WDTC1: variants seen among roughly 807,000 people sequenced by gnomAD.
The protein encoded by WDTC1 is WD and tetratricopeptide repeats protein 1.
In WDTC1, 12 loss-of-function variants were observed where a neutral mutation model predicts 76.0. That is an observed-to-expected ratio of 0.16 (90% CI 0.10 to 0.26). WDTC1 has a LOEUF of 0.26. Among genes scored for constraint, WDTC1 ranks in the 10% least tolerant of loss-of-function variants. The pLI is 1.00. For synonymous variants in WDTC1, 326 were observed against 350.8 expected (o/e 0.93, Z 0.79); for missense variants, 511 against 908.8 (o/e 0.56, Z 5.63).
intron 7 of WDTC1, 123 bp downstream of exon 7, chr1:27,292,520 C>T (rs2013562275): frequency 9.0e-6 from 8 of 887,828 alleles, no homozygotes; most frequent in Non-Finnish European, 9.5e-6. Context: ...CTCAACCTCC[C>T]AGGCTCAAGC....
intron 6 of WDTC1, among the ~76,000 whole-genome samples, chr1:27,289,237 CG>C (rs2013450888): frequency 6.7e-6 from 1 of 148,562 alleles, no homozygotes; most frequent in Non-Finnish European, 1.5e-5. Flanking sequence ...GGGTGGTTGC[CG>C]GGCGGAGAGG....
intron 3 of WDTC1, among the ~76,000 whole-genome samples, chr1:27,268,866 C>A (rs1387331132): frequency 1.3e-5 from 2 of 151,468 alleles, no homozygotes; most frequent in Non-Finnish European, 2.9e-5. Flanking sequence ...AGGTGCACGC[C>A]ACCACACCCA....
In WDTC1 at chr1:27,264,767, C is replaced by T. The variant is rs535759963; in HGVS notation, c.132+1532C>T. 4.0e-4 allele frequency among the ~76,000 whole-genome samples: 61 copies of T among 152,014 alleles called. 1 individual carries two copies. The South Asian group carries it at 0.011, about 28-fold the overall frequency. On this transcript the variant is annotated intron_variant, in intron 3 of 15. Transcript: ENST00000319394. ...CCTCCCAAAGTGCTGGGAATTCAGGCGTGAACCACCTCACCCAGCCAAGAT... is the reference window on the plus strand; with the variant it reads ...CCTCCCAAAGTGCTGGGAATTCAGGTGTGAACCACCTCACCCAGCCAAGAT...
intron 1 of WDTC1, among the ~76,000 whole-genome samples, chr1:27,253,340 C>CTTCT (rs1014257190): frequency 1.3e-5 from 2 of 150,614 alleles, no homozygotes; most frequent in African/African-American, 4.9e-5. Flanking sequence ...TCTGCTTCTT[C>CTTCT]TTCTTTCTTC....
At chr1:27,235,394 CTGTGTGTGTGTGTGTGTGTGTGTGTGTG>C (rs139665541) in intron 1 of WDTC1, among the ~76,000 whole-genome samples, 1 of 141,116 alleles carries the variant, frequency 7.1e-6, no homozygotes, top group Admixed American at 7.2e-5. Flanking sequence ...CTCTCTCTTT[CTGTGTGTGTGTGTGTGTGTGTGTGTGTG>C]TGTGTGTGTG....
intron 3 of WDTC1, among the ~76,000 whole-genome samples, chr1:27,280,317 A>G (rs1489116575): frequency 6.6e-6 from 1 of 152,244 alleles, no homozygotes; most frequent in Non-Finnish European, 1.5e-5. Context: ...AAATGTCTGG[A>G]TATTCAAATC....
chr1:27,300,802 C>T (rs1447125204), intron 12 of WDTC1, among the ~76,000 whole-genome samples: 1 of 152,186 alleles, frequency 6.6e-6, no homozygotes, highest in Non-Finnish European at 1.5e-5. Context: ...TCCTTGAGGG[C>T]CCCCTGCCTT....
chr1:27,269,164 CAAA>C (rs34447091), intron 3 of WDTC1, among the ~76,000 whole-genome samples: 4 of 58,858 alleles, frequency 6.8e-5, no homozygotes, highest in African/African-American at 9.0e-5. Context: ...CCTGTTTCTC[CAAA>C]AAAAAAAAAA....
chr1:27,251,769 G>C (rs1378778344), intron 1 of WDTC1, among the ~76,000 whole-genome samples: 1 of 151,818 alleles, frequency 6.6e-6, no homozygotes, highest in Non-Finnish European at 1.5e-5. Flanking sequence ...CAAGGTTATA[G>C]TATGCTATGA....
intron 1 of WDTC1, among the ~76,000 whole-genome samples, chr1:27,252,219 C>T (rs546916607): frequency 6.6e-6 from 1 of 151,774 alleles, no homozygotes; most frequent in African/African-American, 2.4e-5. Context: ...TGGTGGCACA[C>T]ACATGTGGTC....
At chr1:27,241,095 G>A (rs917293574) in intron 1 of WDTC1, among the ~76,000 whole-genome samples, 2 of 152,168 alleles carry the variant, frequency 1.3e-5, no homozygotes, top group Admixed American at 1.3e-4. Flanking sequence ...CTACTGCAGA[G>A]CCAGATTTGA....
intron 14 of WDTC1, chr1:27,304,710 T>G: frequency 3.7e-6 from 1 of 270,476 alleles, no homozygotes; most frequent in Non-Finnish European, 7.0e-6. Flanking sequence ...AAACAGGGTA[T>G]TTTGGAGACC....
At position 27,254,547 on chromosome 1, in the gene WDTC1, A is replaced by G. The variant is rs182412744; in HGVS notation, c.-99-6409A>G. Among the ~76,000 whole-genome samples, 320 of 152,156 alleles carry G rather than the reference A, an allele frequency of 2.1e-3. 2 individuals carry two copies. The highest frequency in any genetic ancestry group is 7.3e-3 in the African/African-American group (305 of 41,542). On this transcript the variant is annotated intron_variant, in intron 1 of 15. Transcript: ENST00000319394. ...TGAGAGGCAGTGGTTCCAGTGAGCT[A>G]TCGCGCCACTGCACTCCAGCCTGGG...
chr1:27,269,606 G>GT (rs56885576), intron 3 of WDTC1, among the ~76,000 whole-genome samples: 85,784 of 119,148 alleles, frequency 0.72, 32,049 homozygotes, highest in Non-Finnish European at 0.84. Context: ...TTTGTTTTTT[G>GT]TTTTTTTTTT....
intron 9 of WDTC1, 40 bp downstream of exon 9, chr1:27,294,669 C>G (rs753435553): frequency 7.0e-6 from 11 of 1,569,878 alleles, no homozygotes; most frequent in Non-Finnish European, 8.8e-6. Flanking sequence ...ATCACCATTC[C>G]ATGCCCAGCA....
At chr1:27,247,739 A>G (rs917199434) in intron 1 of WDTC1, among the ~76,000 whole-genome samples, 11 of 133,890 alleles carry the variant, frequency 8.2e-5, no homozygotes, top group African/African-American at 2.8e-4. Flanking sequence ...TCTTTGTGAG[A>G]TGGAGTTTCA....
intron 2 of WDTC1, 56 bp from the exon 3 acceptor site, chr1:27,263,096 T>C: frequency 6.3e-7 from 1 of 1,588,720 alleles, no homozygotes; most frequent in Non-Finnish European, 8.6e-7. Context: ...AATAGGCACA[T>C]AATAAATCAT....
rs1215044957 is a variant in WDTC1 at position 27,308,498 on chromosome 1, C to T, written c.*2115C>T. 1 of 152,090 alleles carries T rather than the reference C, an allele frequency of 6.6e-6. No individual in the cohort carries two copies. Among genetic ancestry groups the T allele is most frequent in the Non-Finnish European group, 1.5e-5 (1 of 68,018 alleles). 9.4% of individuals were successfully genotyped at this position (152,090 alleles called of 1,614,324 possible). On this transcript the variant is annotated 3_prime_UTR_variant, in exon 16 of 16. Coordinates refer to ENST00000319394, the MANE Select transcript of WDTC1 (RefSeq NM_001276252.2). ...GTTTTCTCATCAGTAAAATAAGGGA[C>T]TTGGAATCTTAGTGGTTTTTCAAAC... is the stretch of plus-strand genomic sequence containing the variant.
intron 3 of WDTC1, among the ~76,000 whole-genome samples, chr1:27,272,016 C>T (rs915118818): frequency 7.4e-5 from 11 of 148,892 alleles, no homozygotes; most frequent in African/African-American, 2.0e-4. Flanking sequence ...GAGGCCGAGG[C>T]GGGCGGATCA....
Sources: gnomAD v4.1 joint callset for allele counts (sites outside exome capture counted in the v4.1 genomes callset) on GRCh38, gnomAD v4.1.1 for gene constraint, MANE v1.5 for transcripts, NCBI Gene and HGNC (gene_info 2026-07-23, HGNC 2026-07-21) for gene names.